ZMYM2: variants seen among roughly 807,000 people sequenced by gnomAD.
ZMYM2 encodes the protein zinc finger MYM-type containing 2.
A neutral mutation model predicts 162.8 loss-of-function variants in ZMYM2; 56 were observed. The observed-to-expected ratio is 0.34, with a 90% CI of 0.28 to 0.43. The LOEUF is 0.43. Among genes scored for constraint, ZMYM2 ranks in the 20% least tolerant of loss-of-function variants. The pLI is 1.00. For missense variants in ZMYM2, 1,275 were observed against 1,621.8 expected, an observed-to-expected ratio of 0.79 and a Z score of 3.67; for synonymous variants, 510 against 541.6, an observed-to-expected ratio of 0.94 and a Z score of 0.81.
rs1181754623 is a variant in ZMYM2 at position 20,062,836 on chromosome 13, T to C, written c.2912-10T>C. On this transcript the variant is annotated splice_polypyrimidine_tract_variant and intron_variant, in intron 17 of 24. Transcript: ENST00000610343. The stretch of plus-strand genomic sequence containing the variant: ...TTTTGATTCCTAATGATAATATGGA[T>C]TGATTTCAGGTGTAATTATTGAAAC... 6.4e-7 allele frequency: 1 copy of C among 1,554,090 alleles called. No individual in the cohort carries two copies. Among genetic ancestry groups the C allele is most frequent in the Non-Finnish European group, 8.7e-7 (1 of 1,147,810 alleles).
chr13:19,976,528 A>G (rs1341237869), intron 2 of ZMYM2, among the ~76,000 whole-genome samples: 2 of 152,094 alleles, frequency 1.3e-5, no homozygotes, highest in South Asian at 2.1e-4. Flanking sequence ...TTTTTATTTT[A>G]TAAAACCAGA....
the ZMYM2 span, among the ~76,000 whole-genome samples, chr13:19,932,785 C>T: frequency 1.3e-5 from 2 of 152,096 alleles, no homozygotes; most frequent in African/African-American, 2.4e-5. Flanking sequence ...ATGCTGGCAC[C>T]GTATCTTGAC....
intron 2 of ZMYM2, among the ~76,000 whole-genome samples, chr13:19,980,683 G>T (rs999898897): frequency 7.5e-5 from 11 of 145,884 alleles, no homozygotes; most frequent in African/African-American, 2.1e-4. Context: ...AACCCAGGAG[G>T]TGAAGTTTGC....
At chr13:19,892,794 A>G in the ZMYM2 span, among the ~76,000 whole-genome samples, 1 of 150,266 alleles carries the variant, frequency 6.7e-6, no homozygotes, top group African/African-American at 2.5e-5. Context: ...AGCTCACTGC[A>G]ACCTCCGTGT....
Position 20,036,925 on chromosome 13 carries a change from A to G in ZMYM2, c.2292+16A>G. Reference sequence around the variant, plus strand: ...GTACTACAAGGCGAGTAACTCCTTTATTACAGCAGCTACTTTAACCAGTCT... The same window carrying G: ...GTACTACAAGGCGAGTAACTCCTTTGTTACAGCAGCTACTTTAACCAGTCT... On this transcript the variant is annotated intron_variant, in intron 12 of 24. Transcript: ENST00000610343. 6.3e-7 allele frequency: 1 copy of G among 1,592,636 alleles called. No homozygotes were observed. The highest frequency in any genetic ancestry group is 8.5e-7 in the Non-Finnish European group (1 of 1,170,912).
At chr13:20,041,997 T>C (rs573934053) in intron 12 of ZMYM2, among the ~76,000 whole-genome samples, 1 of 152,328 alleles carries the variant, frequency 6.6e-6, no homozygotes, top group East Asian at 1.9e-4. Context: ...ACATTTTTTC[T>C]TTCATTTCAA....
chr13:19,873,008 A>T, the ZMYM2 span, among the ~76,000 whole-genome samples: 1 of 150,810 alleles, frequency 6.6e-6, no homozygotes, highest in Non-Finnish European at 1.5e-5. Flanking sequence ...CCAAAAAAAA[A>T]TAAATAAATA....
the ZMYM2 span, among the ~76,000 whole-genome samples, chr13:19,884,850 C>T: frequency 3.3e-5 from 5 of 152,096 alleles, no homozygotes; most frequent in African/African-American, 1.2e-4. Context: ...AACCTGAGCA[C>T]ATCACAATTG....
intron 2 of ZMYM2, among the ~76,000 whole-genome samples, chr13:19,971,523 G>A: frequency 6.6e-6 from 1 of 151,780 alleles, no homozygotes; most frequent in Non-Finnish European, 1.5e-5. Context: ...ACCCGCCTCA[G>A]CCTCACAAGG....
At chr13:19,987,620 C>CGTGTGTGTGTGTGTGTGT (rs756005409) in intron 2 of ZMYM2, among the ~76,000 whole-genome samples, 5 of 121,360 alleles carry the variant, frequency 4.1e-5, no homozygotes, top group African/African-American at 1.7e-4. Context: ...GGGGTTTTGT[C>CGTGTGTGTGTGTGTGTGT]GTGTGTGTGT....
chr13:20,044,061 T>C (rs1954534794), intron 12 of ZMYM2, among the ~76,000 whole-genome samples: 1 of 152,120 alleles, frequency 6.6e-6, no homozygotes, highest in Non-Finnish European at 1.5e-5. Context: ...CCTCTTCTTA[T>C]GGGCAAGACC....
In ZMYM2 at chr13:20,088,949, A is replaced by C. The variant is rs59918656; in HGVS notation, c.*2935A>C. ...TATCTTGCAGCCTTAAATCACTACA[A>C]ACATTTGCATTTTTATTATGCCAGT... On this transcript the variant is annotated 3_prime_UTR_variant, in exon 25 of 25. Transcript: ENST00000610343. The C allele has an allele frequency of 5.0e-6, 1 of 199,172 alleles. No individual in the cohort carries two copies. The highest frequency in any genetic ancestry group is 1.0e-5 in the Non-Finnish European group (1 of 96,346). 12.3% of individuals were successfully genotyped at this position (199,172 alleles called of 1,614,324 possible). A position where few individuals can be genotyped will look rare whatever the true frequency, so the allele number is the denominator to read the frequency against.
chr13:20,029,033 T>C (rs1372844986), intron 9 of ZMYM2, among the ~76,000 whole-genome samples: 2 of 152,210 alleles, frequency 1.3e-5, no homozygotes, highest in East Asian at 3.9e-4. Context: ...TCATTAGATA[T>C]TTTCCTTTTA....
chr13:20,022,239 TTTTG>T (rs1952179108), intron 7 of ZMYM2, among the ~76,000 whole-genome samples: 1 of 152,192 alleles, frequency 6.6e-6, no homozygotes. Flanking sequence ...GTTCCCTAGT[TTTTG>T]TTTGTCTTTT....
At chr13:20,026,505 A>G in intron 7 of ZMYM2, 107 bp from the exon 8 acceptor site, 1 of 1,102,648 alleles carries the variant, frequency 9.1e-7, no homozygotes, top group Non-Finnish European at 1.3e-6. Flanking sequence ...CTGTTTAGAG[A>G]TTAACAGGAT....
rs190414327 is a variant in ZMYM2, at chr13:20,073,118, G to A, written c.3453+5728G>A. Among the ~76,000 whole-genome samples the A allele has an allele frequency of 4.2e-3, 645 of 152,166 alleles. 6 individuals are homozygous for A. Among genetic ancestry groups the A allele is most frequent in the African/African-American group, 0.015 (607 of 41,492 alleles). On this transcript the variant is annotated intron_variant, in intron 21 of 24. Coordinates refer to ENST00000610343, the MANE Select transcript of ZMYM2 (RefSeq NM_197968.4). ...AGACAGGACTTCACCACGTTGGCCAGGCTGGTCTTGAATTCCAGACCTCAA... is the reference window on the plus strand; with the variant it reads ...AGACAGGACTTCACCACGTTGGCCAAGCTGGTCTTGAATTCCAGACCTCAA...
chr13:20,012,073 A>G (rs1479148717), intron 6 of ZMYM2, among the ~76,000 whole-genome samples: 2 of 151,834 alleles, frequency 1.3e-5, no homozygotes, highest in African/African-American at 2.4e-5. Flanking sequence ...TTTAGTAGAG[A>G]TGGGGTTCCA....
At chr13:20,077,963 G>T (rs982092259) in intron 21 of ZMYM2, among the ~76,000 whole-genome samples, 2 of 151,310 alleles carry the variant, frequency 1.3e-5, no homozygotes, top group African/African-American at 4.9e-5. Context: ...GACTACAGGC[G>T]CCCGCCACCA....
At chr13:19,872,950 A>G in the ZMYM2 span, among the ~76,000 whole-genome samples, 1 of 152,126 alleles carries the variant, frequency 6.6e-6, no homozygotes, top group East Asian at 1.9e-4. Context: ...CAGTGAGCCA[A>G]GATCACGCCA....
Sources: gnomAD v4.1 joint callset for allele counts (sites outside exome capture counted in the v4.1 genomes callset) on GRCh38, gnomAD v4.1.1 for gene constraint, MANE v1.5 for transcripts, NCBI Gene and HGNC (gene_info 2026-07-23, HGNC 2026-07-21) for gene names.